The following XYLT1 variants were observed in gnomAD, a reference collection of about 807,000 sequenced individuals.
XYLT1 encodes xylosyltransferase 1.
A neutral mutation model predicts 91.3 loss-of-function variants in XYLT1; 36 were observed. The observed-to-expected ratio is 0.39, with a 90% CI of 0.30 to 0.52. The LOEUF (loss-of-function observed/expected upper bound fraction) is 0.52. Among genes scored for constraint, XYLT1 ranks in the 20% least tolerant of loss-of-function variants. XYLT1 has a pLI of 0.68. For synonymous variants in XYLT1, 588 were observed against 532.0 expected, an observed-to-expected ratio of 1.11 and a Z score of -1.45; for missense variants, 1,242 against 1,284.5, an observed-to-expected ratio of 0.97 and a Z score of 0.51.
intron 1 of XYLT1, among the ~76,000 whole-genome samples, chr16:17,382,433 A>C (rs2035693592): frequency 6.6e-6 from 1 of 151,918 alleles, no homozygotes; most frequent in Non-Finnish European, 1.5e-5. Context: ...GGCTGTTACA[A>C]ATGTGGAATT....
chr16:17,250,339 G>T (rs2033517448), intron 3 of XYLT1: 1 of 152,232 alleles, frequency 6.6e-6, no homozygotes, highest in Non-Finnish European at 1.5e-5. Flanking sequence ...AAACAAATCA[G>T]AAGTAGAACA....
chr16:17,102,800 G>T lies in XYLT1; in HGVS notation c.*5895C>A, dbSNP rs545941627. On this transcript the variant is annotated 3_prime_UTR_variant, in exon 12 of 12. Transcript: ENST00000261381. Reference sequence around the variant, plus strand: ...AATCAACACATTACAAAATATTTCTGTACAGTTTTATGCATATTATGATCT... The same window carrying T: ...AATCAACACATTACAAAATATTTCTTTACAGTTTTATGCATATTATGATCT... 8 of 152,376 alleles carry T rather than the reference G, an allele frequency of 5.3e-5. No individual in the cohort carries two copies. The highest frequency in any genetic ancestry group is 1.9e-4 in the African/African-American group (8 of 41,428). The allele number at this position is 152,376 out of a possible 1,614,324, so 9.4% of individuals were successfully genotyped here. A position where few individuals can be genotyped will look rare whatever the true frequency, so the allele number is the denominator to read the frequency against.
At position 17,259,295 on chromosome 16, in the gene XYLT1, T is replaced by C. The variant is rs114030556; in HGVS notation, c.606A>G (p.Lys202=). ...LLKRKLEQQE[K]GKGHTFPGKG... ...TCCCAGGGAATGTATGTCCTTTTCCTTTCTCCTGCTGTTCCAGCTTCCTTT... is the reference window on the plus strand; with the variant it reads ...TCCCAGGGAATGTATGTCCTTTTCCCTTCTCCTGCTGTTCCAGCTTCCTTT... Residue 202 remains lysine, a synonymous_variant, in exon 3 of 12, where the codon AAA becomes AAG. Coordinates refer to ENST00000261381, the MANE Select transcript of XYLT1 (RefSeq NM_022166.4). 1.2e-3 allele frequency: 1,942 copies of C among 1,614,118 alleles called. 18 individuals are homozygous for C. In the African/African-American group the frequency reaches 0.023, roughly 19 times the overall value.
intron 2 of XYLT1, among the ~76,000 whole-genome samples, chr16:17,302,824 G>A (rs549479648): frequency 4.6e-5 from 7 of 150,798 alleles, no homozygotes; most frequent in Non-Finnish European, 1.0e-4. Flanking sequence ...CACAATAACG[G>A]GTTACTCAAT....
intron 2 of XYLT1, among the ~76,000 whole-genome samples, chr16:17,327,642 A>G (rs1384987672): frequency 1.7e-5 from 2 of 116,838 alleles, no homozygotes; most frequent in East Asian, 3.6e-4. Flanking sequence ...TCGGCCTCCC[A>G]AAGTGCTGGG....
rs557662564 is a variant in XYLT1, at chr16:17,392,967, GTTAA to G, written c.364-34921_364-34918del. 1.4e-4 allele frequency among the ~76,000 whole-genome samples: 21 copies of G among 152,318 alleles called. No individual in the cohort carries two copies. In the South Asian group the frequency reaches 4.3e-3, roughly 32 times the overall value. On this transcript the variant is annotated intron_variant, in intron 1 of 11. Coordinates refer to ENST00000261381, the MANE Select transcript of XYLT1 (RefSeq NM_022166.4). ...AATGCAAGATGTGGGTTCGGTAAGA[GTTAA>G]TTAAAGCCTCATAAGAATGTGACCT...
chr16:17,219,551 G>A (rs964637606), intron 3 of XYLT1, among the ~76,000 whole-genome samples: 1 of 152,114 alleles, frequency 6.6e-6, no homozygotes. Flanking sequence ...GTCACTCTTC[G>A]ACCTACCTGG....
chr16:17,333,970 C>T (rs1003311581), intron 2 of XYLT1, among the ~76,000 whole-genome samples: 16 of 152,202 alleles, frequency 1.1e-4, no homozygotes, highest in Non-Finnish European at 1.8e-4. Flanking sequence ...GTTCCGCTAT[C>T]ATGCATGGGG....
rs576328612 is a variant in XYLT1 at position 17,443,536 on chromosome 16, G to GT, written c.363+26897dup. ...TTCCTCTTTGCCTTCCACCATGATT[G>GT]TAAGTTTCCTGAGGCCTCTCCAGCT... On this transcript the variant is annotated intron_variant, in intron 1 of 11. Coordinates refer to ENST00000261381, the MANE Select transcript of XYLT1 (RefSeq NM_022166.4). 2.8e-4 allele frequency among the ~76,000 whole-genome samples: 42 copies of GT among 152,288 alleles called. No homozygotes were observed. The East Asian group carries it at 7.1e-3, about 26-fold the overall frequency.
chr16:17,115,883 C>G (rs1966851249), intron 11 of XYLT1, among the ~76,000 whole-genome samples: 1 of 132,954 alleles, frequency 7.5e-6, no homozygotes, highest in Non-Finnish European at 1.6e-5. Context: ...ACAACAGAAA[C>G]TTATGTGTCC....
At chr16:17,451,301 T>G (rs2036663041) in intron 1 of XYLT1, among the ~76,000 whole-genome samples, 1 of 152,164 alleles carries the variant, frequency 6.6e-6, no homozygotes, top group Non-Finnish European at 1.5e-5. Context: ...GACTTTCATG[T>G]CCTTGTCATA....
chr16:17,218,354 G>A (rs974444860), intron 3 of XYLT1, among the ~76,000 whole-genome samples: 5 of 140,532 alleles, frequency 3.6e-5, no homozygotes, highest in Non-Finnish European at 6.5e-5. Context: ...GGAGTAGTGC[G>A]GACTTTTGTT....
At chr16:17,110,430 A>C (rs1966837793) in intron 11 of XYLT1, among the ~76,000 whole-genome samples, 1 of 152,074 alleles carries the variant, frequency 6.6e-6, no homozygotes, top group Admixed American at 6.6e-5. Context: ...GTCTCATGAG[A>C]TCTGATGGTT....
At chr16:17,401,705 G>GTTATTA (rs536472449) in intron 1 of XYLT1, among the ~76,000 whole-genome samples, 360 of 150,198 alleles carry the variant, frequency 2.4e-3, no homozygotes, top group Middle Eastern at 6.9e-3. Context: ...AGTGGCTATG[G>GTTATTA]TTATTATTAT....
chr16:17,370,534 A>G (rs576259287), intron 1 of XYLT1, among the ~76,000 whole-genome samples: 7 of 152,340 alleles, frequency 4.6e-5, no homozygotes, highest in African/African-American at 1.7e-4. Flanking sequence ...GTGTGGTCTC[A>G]CACTGAACAC....
At chr16:17,212,544 C>T (rs1225834248) in intron 3 of XYLT1, among the ~76,000 whole-genome samples, 1 of 152,142 alleles carries the variant, frequency 6.6e-6, no homozygotes, top group African/African-American at 2.4e-5. Context: ...CTCAAATGCT[C>T]ATGGCCACTC....
chr16:17,138,673 C>T (rs557477924), intron 7 of XYLT1, 142 bp from the exon 8 acceptor site: 94 of 951,064 alleles, frequency 9.9e-5, no homozygotes, highest in Middle Eastern at 6.7e-4. Flanking sequence ...AGAAGCTGGG[C>T]GGCTTCCTGT....
intron 2 of XYLT1, among the ~76,000 whole-genome samples, chr16:17,273,274 T>C (rs968894474): frequency 4.6e-5 from 7 of 152,206 alleles, no homozygotes; most frequent in African/African-American, 7.2e-5. Context: ...AATTACATCA[T>C]CAAAGGCCAC....
At chr16:17,424,612 G>A (rs1396048631) in intron 1 of XYLT1, among the ~76,000 whole-genome samples, 2 of 152,084 alleles carry the variant, frequency 1.3e-5, no homozygotes, top group East Asian at 1.9e-4. Flanking sequence ...GGCTCATGCC[G>A]TGATCCCAGC....
Sources: gnomAD v4.1 joint callset for allele counts (sites outside exome capture counted in the v4.1 genomes callset) on GRCh38, gnomAD v4.1.1 for gene constraint, MANE v1.5 for transcripts, NCBI Gene and HGNC (gene_info 2026-07-23, HGNC 2026-07-21) for gene names.